The following TPD52L2 variants were observed in gnomAD, a reference collection of about 807,000 sequenced individuals.
TPD52L2 encodes the protein tumor protein D54.
In TPD52L2, 19 loss-of-function variants were observed where a neutral mutation model predicts 24.7. The observed-to-expected ratio is 0.77, with a 90% CI of 0.54 to 1.13. TPD52L2 has a LOEUF of 1.13. TPD52L2 is among the 50% of genes most tolerant of loss of function. TPD52L2 has a pLI of 0.00. For synonymous variants in TPD52L2, 104 were observed against 100.2 expected (o/e 1.04, Z -0.23); for missense variants, 236 against 250.4 (o/e 0.94, Z 0.39).
At chr20:63,875,984 C>A in intron 4 of TPD52L2, 109 bp downstream of exon 4, 1 of 1,144,674 alleles carries the variant, frequency 8.7e-7, no homozygotes, top group South Asian at 1.4e-5. Flanking sequence ...TTGGTATTTG[C>A]TGGCTATTTT....
At chr20:63,874,815 G>GACCTT in intron 3 of TPD52L2, among the ~76,000 whole-genome samples, 1 of 152,070 alleles carries the variant, frequency 6.6e-6, no homozygotes, top group African/African-American at 2.4e-5. Context: ...CCTTGTTGTG[G>GACCTT]GTGTGGCATG....
intron 2 of TPD52L2, among the ~76,000 whole-genome samples, chr20:63,870,520 GTTTT>G (rs959786861): frequency 3.1e-3 from 295 of 94,522 alleles, no homozygotes; most frequent in Non-Finnish European, 4.8e-3. Flanking sequence ...ATAAGGTGAA[GTTTT>G]TTTTTTTTTT....
chr20:63,880,411 C>T (rs1188892846), intron 4 of TPD52L2, among the ~76,000 whole-genome samples: 1 of 148,640 alleles, frequency 6.7e-6, no homozygotes, highest in South Asian at 2.2e-4. Context: ...TTCCCCATCC[C>T]CACTCTTAGG....
At chr20:63,872,042 CTTTTTTTTTT>C (rs34989051) in intron 2 of TPD52L2, among the ~76,000 whole-genome samples, 11 of 106,928 alleles carry the variant, frequency 1.0e-4, no homozygotes, top group Non-Finnish European at 1.8e-4. Context: ...AGGTCATGTT[CTTTTTTTTTT>C]TTTTTTTTTT....
At chr20:63,888,695 CT>C (rs2053221333) in intron 5 of TPD52L2, 1 of 159,924 alleles carries the variant, frequency 6.3e-6, no homozygotes, top group Admixed American at 5.8e-5. Context: ...ACTGCACAGA[CT>C]TTTCATAACC....
intron 2 of TPD52L2, among the ~76,000 whole-genome samples, chr20:63,869,987 G>T (rs543384734): frequency 6.6e-6 from 1 of 152,214 alleles, no homozygotes; most frequent in Admixed American, 6.6e-5. Flanking sequence ...AATTAGCCAG[G>T]TGTGGTGGCA....
At position 63,877,785 on chromosome 20, in the gene TPD52L2, C is replaced by T. The variant is rs73327312; in HGVS notation, c.374+1910C>T. On this transcript the variant is annotated intron_variant, in intron 4 of 6. Transcript: ENST00000346249. This position sits in a 1 kb window ranked among gnomAD's most constrained non-coding sequence, Gnocchi z 4.1. ...GCATATGGCCAGTGCATCACCTGGC[C>T]GAGGCCATTCCCCTGAGTTCTGTGG... Among the ~76,000 whole-genome samples the T allele has an allele frequency of 7.1e-3, 1,078 of 152,390 alleles. 19 individuals carry two copies. Among genetic ancestry groups the T allele is most frequent in the African/African-American group, 0.025 (1,030 of 41,598 alleles).
chr20:63,874,256 GTT>G (rs71197438), intron 3 of TPD52L2, among the ~76,000 whole-genome samples: 9 of 147,446 alleles, frequency 6.1e-5, no homozygotes, highest in African/African-American at 2.0e-4. Flanking sequence ...GTGTGTGTGT[GTT>G]TTTAGTAGAG....
At position 63,876,955 on chromosome 20, in the gene TPD52L2, C is replaced by G. The variant is rs1032105957; in HGVS notation, c.374+1080C>G. ...GGGCGGTTTGTGGGCATGGCTACAG[C>G]AGCCAGCTGTACATCTGGGTGCTCT... On this transcript the variant is annotated intron_variant, in intron 4 of 6. Coordinates refer to ENST00000346249, the MANE Select transcript of TPD52L2 (RefSeq NM_003288.4). 31 of 454,612 alleles carry G rather than the reference C, an allele frequency of 6.8e-5. 1 individual carries two copies. In the Admixed American group the frequency reaches 6.8e-4, roughly 10 times the overall value. 28.2% of individuals were successfully genotyped at this position (454,612 alleles called of 1,614,324 possible). A position where few individuals can be genotyped will look rare whatever the true frequency, so the allele number is the denominator to read the frequency against.
intron 4 of TPD52L2, chr20:63,876,714 G>A (rs1384015929): frequency 2.2e-6 from 1 of 454,706 alleles, no homozygotes; most frequent in African/African-American, 2.0e-5. Flanking sequence ...AGGTCCTGGG[G>A]GACCAGGCTG....
intron 2 of TPD52L2, among the ~76,000 whole-genome samples, chr20:63,869,786 A>AC (rs2052392184): frequency 1.3e-5 from 2 of 152,076 alleles, no homozygotes; most frequent in African/African-American, 4.8e-5. Context: ...CATTTTTAAG[A>AC]CCCCATGAAT....
chr20:63,875,937 G>T, intron 4 of TPD52L2, 62 bp downstream of exon 4: 1 of 1,543,470 alleles, frequency 6.5e-7, no homozygotes, highest in Non-Finnish European at 9.0e-7. Context: ...CACTCAGTCG[G>T]GGAAGGGGGC....
chr20:63,868,367 A>G (rs558886591), intron 1 of TPD52L2, among the ~76,000 whole-genome samples: 1 of 152,236 alleles, frequency 6.6e-6, no homozygotes, highest in Non-Finnish European at 1.5e-5. Context: ...TGACATGAAG[A>G]AAAAACAGTG....
chr20:63,887,369 G>GC (rs2053169531), intron 5 of TPD52L2: 9 of 717,224 alleles, frequency 1.3e-5, no homozygotes, highest in East Asian at 7.5e-5. Flanking sequence ...AACTTGGGGT[G>GC]CCCCCCATGA....
At chr20:63,886,311 G>T (rs367766531) in intron 5 of TPD52L2, among the ~76,000 whole-genome samples, 1 of 151,984 alleles carries the variant, frequency 6.6e-6, no homozygotes, top group East Asian at 1.9e-4. Flanking sequence ...CCTGCTGCCG[G>T]GTCTGTGAAT....
At chr20:63,882,641 T>G (rs575512578) in intron 4 of TPD52L2, 78 bp from the exon 5 acceptor site, 1 of 1,164,542 alleles carries the variant, frequency 8.6e-7, no homozygotes, top group Non-Finnish European at 1.3e-6. Context: ...TCGGGCGTGC[T>G]CCCAGTGCTT....
intron 1 of TPD52L2, among the ~76,000 whole-genome samples, chr20:63,866,341 GATCCGCCCGCCTC>G (rs1321283691): frequency 6.6e-6 from 1 of 152,172 alleles, no homozygotes; most frequent in Non-Finnish European, 1.5e-5. Context: ...TTGACCTTGT[GATCCGCCCGCCTC>G]AGCCTCCCAA....
chr20:63,890,063 A>G lies in TPD52L2; in HGVS notation c.*118A>G, dbSNP rs536586428. On this transcript the variant is annotated 3_prime_UTR_variant, in exon 7 of 7. Coordinates refer to ENST00000346249, the MANE Select transcript of TPD52L2 (RefSeq NM_003288.4). ...GATGAGCAGAGCCGGCCCTGAGGAC[A>G]GTCCTGCCCATCCACGCGGAGATGT... 1.7e-5 allele frequency: 26 copies of G among 1,534,730 alleles called. No homozygotes were observed. In the African/African-American group the frequency reaches 3.3e-4, roughly 19 times the overall value.
chr20:63,874,692 A>G (rs896805631), intron 3 of TPD52L2, among the ~76,000 whole-genome samples: 1 of 152,126 alleles, frequency 6.6e-6, no homozygotes, highest in African/African-American at 2.4e-5. Context: ...GTGTTCTAAA[A>G]AGGCAGACAC....
Sources: allele counts gnomAD v4.1 joint callset (sites outside exome capture counted in the v4.1 genomes callset), GRCh38; gene constraint gnomAD v4.1.1; non-coding constraint Gnocchi (gnomAD v3.1); transcripts MANE v1.5; gene names NCBI Gene and HGNC (gene_info 2026-07-23, HGNC 2026-07-21).